The following RAPGEF2 variants were observed in gnomAD, a reference collection of about 807,000 sequenced individuals.
RAPGEF2 encodes the protein Rap guanine nucleotide exchange factor 2, also known as PDZ domain containing guanine nucleotide exchange factor (GEF) 1.
Under a neutral mutation model 186.7 loss-of-function variants are expected in RAPGEF2, and 54 were observed. That is an observed-to-expected ratio of 0.29 (90% CI 0.23 to 0.36). The LOEUF is 0.36. Ranked by LOEUF, RAPGEF2 falls within the 10% of genes least tolerant of loss-of-function variation. The pLI, the probability that RAPGEF2 is intolerant of heterozygous loss-of-function variation, is 1.00. For synonymous variants in RAPGEF2, 712 were observed against 705.9 expected, an observed-to-expected ratio of 1.01 and a Z score of -0.14; for missense variants, 1,532 against 2,045.0, an observed-to-expected ratio of 0.75 and a Z score of 4.84.
intron 7 of RAPGEF2, among the ~76,000 whole-genome samples, chr4:159,250,955 C>T (rs1040113878): frequency 2.0e-5 from 3 of 152,184 alleles, no homozygotes; most frequent in African/African-American, 7.2e-5. Context: ...GGGCTGTGCG[C>T]CACGCTCATG....
chr4:159,146,188 A>G (rs1742943221), intron 1 of RAPGEF2, among the ~76,000 whole-genome samples: 1 of 152,162 alleles, frequency 6.6e-6, no homozygotes, highest in Non-Finnish European at 1.5e-5. Context: ...TATAAGTTGG[A>G]TGTTTATCAC....
chr4:159,170,561 A>G (rs895551543), intron 1 of RAPGEF2, among the ~76,000 whole-genome samples: 1 of 152,174 alleles, frequency 6.6e-6, no homozygotes, highest in African/African-American at 2.4e-5. Flanking sequence ...CGCAAACCCT[A>G]TGCCATTTTA....
intron 7 of RAPGEF2, among the ~76,000 whole-genome samples, chr4:159,272,738 G>A (rs1293855460): frequency 6.6e-6 from 1 of 152,112 alleles, no homozygotes; most frequent in Non-Finnish European, 1.5e-5. Context: ...AGAATATGAG[G>A]GTTTGAGGAA....
At chr4:159,134,108 T>G (rs1254584836) in intron 1 of RAPGEF2, among the ~76,000 whole-genome samples, 2 of 152,244 alleles carry the variant, frequency 1.3e-5, no homozygotes, top group East Asian at 3.8e-4. Context: ...AAAGGTCCCT[T>G]GTGCCTTTGT....
chr4:159,176,233 T>G (rs1746437921), intron 1 of RAPGEF2, among the ~76,000 whole-genome samples: 1 of 152,270 alleles, frequency 6.6e-6, no homozygotes, highest in East Asian at 1.9e-4. Flanking sequence ...TTCATTCCAG[T>G]GTGGGGAGCC....
intron 8 of RAPGEF2, among the ~76,000 whole-genome samples, chr4:159,313,133 G>C (rs1421446820): frequency 6.6e-6 from 1 of 151,794 alleles, no homozygotes; most frequent in East Asian, 1.9e-4. Flanking sequence ...GGGCAACAGA[G>C]CAAGACTCTG....
chr4:159,152,306 G>A (rs1743634096), intron 1 of RAPGEF2, among the ~76,000 whole-genome samples: 2 of 152,242 alleles, frequency 1.3e-5, no homozygotes, highest in South Asian at 4.2e-4. Flanking sequence ...GGGTGACAGA[G>A]CGAGACTCTG....
intron 4 of RAPGEF2, among the ~76,000 whole-genome samples, chr4:159,220,768 T>C (rs756242201): frequency 2.0e-5 from 3 of 152,212 alleles, no homozygotes; most frequent in African/African-American, 4.8e-5. Context: ...GGCTCTATTA[T>C]TCATCTTTGC....
chr4:159,211,457 A>T (rs1344021458), intron 4 of RAPGEF2, among the ~76,000 whole-genome samples: 1 of 152,220 alleles, frequency 6.6e-6, no homozygotes, highest in East Asian at 1.9e-4. Context: ...TGAATCGACT[A>T]AAGTACAGGG....
At chr4:159,237,414 T>C (rs899399142) in intron 4 of RAPGEF2, among the ~76,000 whole-genome samples, 1 of 152,202 alleles carries the variant, frequency 6.6e-6, no homozygotes, top group Admixed American at 6.5e-5. Flanking sequence ...TCTAACCTGA[T>C]AACCTGTAAA....
chr4:159,170,297 A>G (rs1255339737), intron 1 of RAPGEF2, among the ~76,000 whole-genome samples: 3 of 151,884 alleles, frequency 2.0e-5, no homozygotes, highest in African/African-American at 7.3e-5. Context: ...TATATTTTGT[A>G]TATTAACCCC....
intron 7 of RAPGEF2, among the ~76,000 whole-genome samples, chr4:159,291,544 C>T (rs1761217649): frequency 6.6e-6 from 1 of 152,190 alleles, no homozygotes; most frequent in African/African-American, 2.4e-5. Context: ...TATCCTCCCA[C>T]CTCAACCTTC....
intron 7 of RAPGEF2, among the ~76,000 whole-genome samples, chr4:159,279,929 C>G (rs1759466131): frequency 6.6e-6 from 1 of 152,086 alleles, no homozygotes; most frequent in South Asian, 2.1e-4. Context: ...AAGTAATCTG[C>G]CCGCCTCGGC....
chr4:159,196,508 A>G (rs1748667779), intron 3 of RAPGEF2, among the ~76,000 whole-genome samples: 2 of 151,906 alleles, frequency 1.3e-5, no homozygotes, highest in East Asian at 1.9e-4. Flanking sequence ...TATGGTTTCA[A>G]TAATTTTGCC....
At chr4:159,338,205 C>G (rs1213293359) in intron 17 of RAPGEF2, 106 bp from the exon 18 acceptor site, 2 of 1,005,580 alleles carry the variant, frequency 2.0e-6, no homozygotes, top group Non-Finnish European at 2.8e-6. Flanking sequence ...TTTACATGAG[C>G]TGCAAAAAAA....
intron 7 of RAPGEF2, among the ~76,000 whole-genome samples, chr4:159,258,158 T>A (rs1756402981): frequency 6.6e-6 from 1 of 152,230 alleles, no homozygotes; most frequent in African/African-American, 2.4e-5. Flanking sequence ...AAAATGGTAG[T>A]AACTGACAAT....
intron 1 of RAPGEF2, among the ~76,000 whole-genome samples, chr4:159,117,459 A>G (rs951760431): frequency 1.2e-4 from 18 of 152,182 alleles, no homozygotes; most frequent in East Asian, 7.7e-4. Flanking sequence ...TCTTGATTCT[A>G]TTTTCTCTGG....
chr4:159,347,353 AAT>A (rs1236798759), intron 25 of RAPGEF2, among the ~76,000 whole-genome samples: 1 of 152,246 alleles, frequency 6.6e-6, no homozygotes, highest in Non-Finnish European at 1.5e-5. Context: ...ATTTAAGCAG[AAT>A]ATTTTTAAGT....
intron 7 of RAPGEF2, among the ~76,000 whole-genome samples, chr4:159,253,423 A>G (rs1032951185): frequency 2.0e-5 from 3 of 152,362 alleles, no homozygotes; most frequent in South Asian, 2.1e-4. Flanking sequence ...GAAAAGTCAC[A>G]TTTGTTAATA....
Sources: gnomAD v4.1 joint callset for allele counts (sites outside exome capture counted in the v4.1 genomes callset) on GRCh38, gnomAD v4.1.1 for gene constraint, MANE v1.5 for transcripts, NCBI Gene and HGNC (gene_info 2026-07-23, HGNC 2026-07-21) for gene names.